The following CCN3 variants were observed in gnomAD, a reference collection of about 807,000 sequenced individuals.
CCN3 encodes CCN family member 3.
CCN3 carries 20 observed loss-of-function variants against 33.4 expected under a neutral mutation model. The ratio of observed to expected loss-of-function variants is 0.60; its 90% CI spans 0.42 to 0.87. The LOEUF is 0.87. CCN3 is among the 40% of genes least tolerant of loss of function. The probability of loss-of-function intolerance (pLI) is 0.00; values close to 1 mark genes in which losing one functional copy is unlikely to be tolerated. For synonymous variants in CCN3, 205 were observed against 170.4 expected (o/e 1.20, Z -1.58); for missense variants, 465 against 455.3 (o/e 1.02, Z -0.19).
chr8:119,419,307 C>A lies in CCN3; in HGVS notation c.739C>A (p.Arg247=). 1 of 1,614,074 alleles carries A rather than the reference C, an allele frequency of 6.2e-7. No homozygotes were observed. The highest frequency in any genetic ancestry group is 1.1e-5 in the South Asian group (1 of 91,082). ...MLKQTRLCMV[R]PCEQEPEQPT... The stretch of plus-strand genomic sequence containing the variant: ...GAAACAGACTCGGCTCTGCATGGTG[C>A]GGCCCTGTGAACAAGAGCCAGAGCA... Residue 247 remains arginine (R), a synonymous_variant, in exon 4 of 5, where the codon CGG becomes AGG. Coordinates refer to ENST00000259526, the MANE Select transcript of CCN3 (RefSeq NM_002514.4).
chr8:119,424,254 T>C lies in CCN3; in HGVS notation c.*1122T>C, dbSNP rs1820165281. The C allele has an allele frequency of 6.6e-6, 1 of 152,214 alleles. No homozygotes were observed. Among genetic ancestry groups the C allele is most frequent in the Non-Finnish European group, 1.5e-5 (1 of 68,036 alleles). The allele number at this position is 152,214 out of a possible 1,614,324, so 9.4% of individuals were successfully genotyped here. On this transcript the variant is annotated 3_prime_UTR_variant, in exon 5 of 5. Transcript: ENST00000259526. ...TGCCACCACACGTGTTCCGCTTCTC[T>C]CTTTTAAAGTATTTATAAAAATATA...
chr8:119,416,547 G>A lies in CCN3; in HGVS notation c.15G>A (p.Gln5=). MQSV[Q]STSFCLRKQC... is the part of the protein sequence containing the mutation. ...AAAGCCTGAGCATGCAGAGTGTGCA[G>A]AGCACGAGCTTTTGTCTCCGAAAGC... Residue 5 remains glutamine, a synonymous_variant, in exon 1 of 5, where the codon CAG becomes CAA. Transcript: ENST00000259526. 1 of 1,614,006 alleles carries A rather than the reference G, an allele frequency of 6.2e-7. No individual in the cohort carries two copies. The highest frequency in any genetic ancestry group is 8.5e-7 in the Non-Finnish European group (1 of 1,179,974).
Position 119,416,815 on chromosome 8 carries a change from C to T in CCN3, c.156C>T (p.Pro52=), listed in dbSNP as rs775484362. The change falls in exon 2 of 5, where the codon CCC becomes CCT. Residue 52 remains proline (P), a synonymous_variant. Transcript: ENST00000259526. The stretch of plus-strand genomic sequence containing the variant: ...CTGCGACGCCGCCGACCTGCGCCCC[C>T]GGGGTGCGCGCGGTGCTGGACGGCT... ...RCPATPPTCA[P]GVRAVLDGCS... 38 of 1,608,298 alleles carry T rather than the reference C, an allele frequency of 2.4e-5. No homozygotes were observed. The highest frequency in any genetic ancestry group is 2.2e-4 in the Admixed American group (13 of 59,388).
chr8:119,423,091 C>T lies in CCN3; in HGVS notation c.1033C>T (p.Leu345Phe), dbSNP rs2130459254. Reference protein sequence around the residue: ...TNCPKNNEAFLQELELKTTRG... With the variant: ...TNCPKNNEAFFQELELKTTRG... ...CTGTCCTAAGAACAATGAGGCCTTC[C>T]TCCAGGAGCTGGAGCTGAAGACTAC... Residue 345 changes from leucine (L) to phenylalanine (F), a missense_variant, in exon 5 of 5, where the codon CTC (leucine) becomes TTC (phenylalanine). Coordinates refer to ENST00000259526, the MANE Select transcript of CCN3 (RefSeq NM_002514.4). 6.2e-7 allele frequency: 1 copy of T among 1,614,162 alleles called. No individual in the cohort carries two copies. Among genetic ancestry groups the T allele is most frequent in the South Asian group, 1.1e-5 (1 of 91,078 alleles).
Position 119,416,536 on chromosome 8 carries a change from CAG to C in CCN3, c.7_8del (p.Ser3CysfsTer87), listed in dbSNP as rs1222215691. On this transcript the variant is annotated frameshift_variant, in exon 1 of 5. Coordinates refer to ENST00000259526, the MANE Select transcript of CCN3 (RefSeq NM_002514.4). LOFTEE classifies it high-confidence loss of function. ...AGCGAGAGGGGAAAGCCTGAGCATGCAGAGTGTGCAGAGCACGAGCTTTTGTC... is the reference window on the plus strand; with the variant it reads ...AGCGAGAGGGGAAAGCCTGAGCATGCAGTGTGCAGAGCACGAGCTTTTGTC... MQSVQSTSFCLR... is the reference protein window; with the variant it reads MXSVQSTSFCLR... The C allele has an allele frequency of 1.2e-6, 2 of 1,613,732 alleles. No homozygotes were observed. Among genetic ancestry groups the C allele is most frequent in the East Asian group, 4.5e-5 (2 of 44,872 alleles).
chr8:119,419,582 C>T (rs1418501684), intron 4 of CCN3, among the ~76,000 whole-genome samples: 2 of 152,240 alleles, frequency 1.3e-5, no homozygotes, highest in East Asian at 1.9e-4. Flanking sequence ...GGAGAGGGAC[C>T]GGAAAACTAT....
intron 2 of CCN3, 119 bp from the exon 3 acceptor site, chr8:119,417,939 T>G (rs1259794307): frequency 4.9e-6 from 5 of 1,028,332 alleles, no homozygotes; most frequent in Non-Finnish European, 7.3e-6. Context: ...TCGCCTGAAC[T>G]AGAAAAGGAC....
In CCN3 at chr8:119,419,151, C is replaced by G. The variant is rs568082629; in HGVS notation, c.583C>G (p.Leu195Val). The G allele has an allele frequency of 3.7e-6, 6 of 1,613,900 alleles. No homozygotes were observed. Among genetic ancestry groups the G allele is most frequent in the Admixed American group, 1.7e-5 (1 of 60,000 alleles). The change falls in exon 4 of 5, where the codon CTA (leucine) becomes GTA (valine). Residue 195 changes from leucine to valine, a missense_variant. Physicochemically the swap from Leu to Val is conservative, Grantham distance 32. Coordinates refer to ENST00000259526, the MANE Select transcript of CCN3 (RefSeq NM_002514.4). Reference protein sequence around the residue: ...TLAAYRPEATLGVEVSDSSVN... With the variant: ...TLAAYRPEATVGVEVSDSSVN... Reference sequence around the variant, plus strand: ...CATAGCTTACAGGCCAGAAGCCACCCTAGGAGTAGAAGTCTCTGACTCAAG... The same window carrying G: ...CATAGCTTACAGGCCAGAAGCCACCGTAGGAGTAGAAGTCTCTGACTCAAG...
rs1464110980 is a variant in CCN3 at position 119,423,840 on chromosome 8, A to T, written c.*708A>T. 1 of 152,210 alleles carries T rather than the reference A, an allele frequency of 6.6e-6. No individual in the cohort carries two copies. Among genetic ancestry groups the T allele is most frequent in the African/African-American group, 2.4e-5 (1 of 41,452 alleles). 9.4% of individuals were successfully genotyped at this position (152,210 alleles called of 1,614,324 possible). The stretch of plus-strand genomic sequence containing the variant: ...ACAGAAAACTCCCAATACAAAGATG[A>T]CTGGTCCCTCATAGCCCTCAGACAT... On this transcript the variant is annotated 3_prime_UTR_variant, in exon 5 of 5. Transcript: ENST00000259526.
intron 4 of CCN3, 144 bp downstream of exon 4, chr8:119,419,489 T>C (rs1820096546): frequency 4.2e-6 from 3 of 715,072 alleles, no homozygotes; most frequent in South Asian, 3.7e-5. Context: ...GCAGTGGGGT[T>C]CTTGAAGCCA....
Position 119,423,106 on chromosome 8 carries a change from C to T in CCN3, c.1048C>T (p.Leu350=). 1 of 1,613,964 alleles carries T rather than the reference C, an allele frequency of 6.2e-7. No individual in the cohort carries two copies. The highest frequency in any genetic ancestry group is 1.1e-5 in the South Asian group (1 of 91,084). Residue 350 remains leucine, a synonymous_variant, in exon 5 of 5, where the codon CTG becomes TTG. Coordinates refer to ENST00000259526, the MANE Select transcript of CCN3 (RefSeq NM_002514.4). ...NNEAFLQELE[L]KTTRGKM ...TGAGGCCTTCCTCCAGGAGCTGGAG[C>T]TGAAGACTACCAGAGGGAAAATGTA...
At chr8:119,417,143 G>A (rs1000425252) in intron 2 of CCN3, 174 bp downstream of exon 2, 5 of 615,672 alleles carry the variant, frequency 8.1e-6, no homozygotes, top group African/African-American at 5.7e-5. Context: ...GGAGCACTTG[G>A]GGCTTTGGGG....
At chr8:119,416,663 T>C in intron 1 of CCN3, 47 bp downstream of exon 1, 1 of 1,598,868 alleles carries the variant, frequency 6.3e-7, no homozygotes, top group African/African-American at 1.3e-5. Context: ...TTGCCCGCCT[T>C]GGTGGCCCCC....
chr8:119,419,346 G>A lies in CCN3; in HGVS notation c.777+1G>A. Reference sequence around the variant, plus strand: ...AGAGCCAGAGCAGCCAACAGATAAGGTAGGAGCCTGGAGGAAACCTCCCAT... The same window carrying A: ...AGAGCCAGAGCAGCCAACAGATAAGATAGGAGCCTGGAGGAAACCTCCCAT... On this transcript the variant is annotated splice_donor_variant, in intron 4 of 4. Transcript: ENST00000259526. LOFTEE classifies it high-confidence loss of function. The A allele has an allele frequency of 6.2e-7, 1 of 1,612,986 alleles. No individual in the cohort carries two copies. The highest frequency in any genetic ancestry group is 8.5e-7 in the Non-Finnish European group (1 of 1,179,956).
Position 119,422,989 on chromosome 8 carries a change from G to A in CCN3, c.931G>A (p.Ala311Thr). Reference protein sequence around the residue: ...CTPHNTKTIQAEFQCSPGQIV... With the variant: ...CTPHNTKTIQTEFQCSPGQIV... ...TCCCCACAATACCAAAACCATCCAG[G>A]CAGAGTTTCAGTGCTCCCCAGGGCA... Residue 311 changes from alanine (A) to threonine (T), a missense_variant, in exon 5 of 5, where the codon GCA becomes ACA. Physicochemically the swap from Ala to Thr is moderately conservative, Grantham distance 58. Coordinates refer to ENST00000259526, the MANE Select transcript of CCN3 (RefSeq NM_002514.4). 1 of 1,614,108 alleles carries A rather than the reference G, an allele frequency of 6.2e-7. No homozygotes were observed. Among genetic ancestry groups the A allele is most frequent in the Non-Finnish European group, 8.5e-7 (1 of 1,180,036 alleles).
chr8:119,419,405 G>T, intron 4 of CCN3, 60 bp downstream of exon 4: 1 of 1,536,744 alleles, frequency 6.5e-7, no homozygotes, highest in African/African-American at 1.4e-5. Context: ...CTTGGAGCCT[G>T]GGCTTCAGAA....
chr8:119,418,331 G>T (rs767444943), intron 3 of CCN3, 22 bp downstream of exon 3: 6 of 1,612,340 alleles, frequency 3.7e-6, no homozygotes, highest in Non-Finnish European at 4.2e-6. Context: ...AATATACCTA[G>T]GGCTGGTCAT....
chr8:119,422,988 G>A lies in CCN3; in HGVS notation c.930G>A (p.Gln310=). The A allele has an allele frequency of 6.2e-7, 1 of 1,614,108 alleles. No individual in the cohort carries two copies. Among genetic ancestry groups the A allele is most frequent in the Non-Finnish European group, 8.5e-7 (1 of 1,180,022 alleles). The change falls in exon 5 of 5, where the codon CAG becomes CAA. Residue 310 remains glutamine (Q), a synonymous_variant. Transcript: ENST00000259526. ...CCTPHNTKTI[Q]AEFQCSPGQI... ...CTCCCCACAATACCAAAACCATCCA[G>A]GCAGAGTTTCAGTGCTCCCCAGGGC...
At position 119,416,945 on chromosome 8, in the gene CCN3, AGC is replaced by A. The variant is rs1427817806; in HGVS notation, c.287_288del (p.Ser96LysfsTer13). The A allele has an allele frequency of 6.2e-7, 1 of 1,612,902 alleles. No homozygotes were observed. The highest frequency in any genetic ancestry group is 1.3e-5 in the African/African-American group (1 of 74,908). ...GLYCDRSADP[S>X]NQTGICTAVE... is the part of the protein sequence containing the mutation. ...CTACTGTGATCGCAGCGCGGACCCC[AGC>A]AACCAGACTGGCATCTGCACGGGTA... On this transcript the variant is annotated frameshift_variant, in exon 2 of 5. Transcript: ENST00000259526. LOFTEE classifies it high-confidence loss of function.
Sources: allele counts gnomAD v4.1 joint callset (sites outside exome capture counted in the v4.1 genomes callset), GRCh38; gene constraint gnomAD v4.1.1; transcripts MANE v1.5; gene names NCBI Gene and HGNC (gene_info 2026-07-23, HGNC 2026-07-21).